Variants in ZNF75D observed in about 807,000 individuals in gnomAD.
ZNF75D encodes zinc finger protein 75D, also known as zinc finger protein 75.
A neutral mutation model predicts 33.3 loss-of-function variants in ZNF75D; 33 were observed. That is an observed-to-expected ratio of 0.99 (90% CI 0.75 to 1.32). The LOEUF (loss-of-function observed/expected upper bound fraction) is 1.32, where lower values mean the gene tolerates loss of function less well. Ranked by LOEUF, ZNF75D falls within the 40% of genes most tolerant of loss-of-function variation. The pLI is 0.00. For synonymous variants in ZNF75D, 113 were observed against 130.6 expected, an observed-to-expected ratio of 0.87 and a Z score of 0.92; for missense variants, 338 against 367.5, an observed-to-expected ratio of 0.92 and a Z score of 0.66.
intron 1 of ZNF75D, among the ~76,000 whole-genome samples, chrX:135,310,684 G>A (rs1378275978): frequency 9.0e-6 from 1 of 111,064 alleles, no homozygotes; most frequent in Non-Finnish European, 1.9e-5. Flanking sequence ...TCCCCTTCCT[G>A]TGTCCCCTCC....
At chrX:135,302,511 ACTTTATT>A (rs2084230660) in intron 1 of ZNF75D, among the ~76,000 whole-genome samples, 1 of 112,767 alleles carries the variant, frequency 8.9e-6, no homozygotes, top group East Asian at 2.8e-4. Context: ...ATTAGAACAT[ACTTTATT>A]CTTTAAGTGT....
chrX:135,324,961 T>C (rs2084543088), intron 1 of ZNF75D, among the ~76,000 whole-genome samples: 1 of 110,619 alleles, frequency 9.0e-6, no homozygotes, highest in African/African-American at 3.3e-5. Context: ...GAGACCAGCT[T>C]AAGACTCAGG....
In ZNF75D at chrX:135,343,828, T is replaced by C. The variant is rs184125465; in HGVS notation, c.-2451A>G. The stretch of plus-strand genomic sequence containing the variant: ...AAGTTCCAGCCGGTGAGCCCAACTT[T>C]GGACCCGGCAGAGCTGTCTCCAGTA... On this transcript the variant is annotated 5_prime_UTR_variant, in exon 1 of 7. Coordinates refer to ENST00000370766, the MANE Select transcript of ZNF75D (RefSeq NM_007131.5). 1 of 111,691 alleles carries C rather than the reference T, an allele frequency of 9.0e-6. No individual in the cohort carries two copies. Among genetic ancestry groups the C allele is most frequent in the Non-Finnish European group, 1.9e-5 (1 of 53,083 alleles). 9.2% of individuals were successfully genotyped at this position (111,691 alleles called of 1,213,427 possible). A position where few individuals can be genotyped will look rare whatever the true frequency, so the allele number is the denominator to read the frequency against.
intron 1 of ZNF75D, among the ~76,000 whole-genome samples, chrX:135,310,877 G>T (rs1420343094): frequency 9.0e-6 from 1 of 111,185 alleles, no homozygotes; most frequent in African/African-American, 3.3e-5. Flanking sequence ...CTCCTCAGAG[G>T]ATGCAACTGA....
chrX:135,267,097 A>G (rs1426474569), intron 1 of ZNF75D, among the ~76,000 whole-genome samples: 1 of 111,661 alleles, frequency 9.0e-6, no homozygotes, highest in African/African-American at 3.2e-5. Flanking sequence ...ACCAAAACAT[A>G]TGGGATATAG....
chrX:135,260,034 T>C (rs1404238456), intron 1 of ZNF75D, among the ~76,000 whole-genome samples: 1 of 112,282 alleles, frequency 8.9e-6, no homozygotes, highest in Non-Finnish European at 1.9e-5. Context: ...AGGCCTTTTC[T>C]GCATCTCTTG....
In ZNF75D at chrX:135,287,558, C is replaced by G. The variant is rs782622244; in HGVS notation, c.1112G>C (p.Gly371Ala). 6 of 1,211,840 alleles carry G rather than the reference C, an allele frequency of 5.0e-6. No homozygotes were observed. The South Asian group carries it at 8.8e-5, about 18-fold the overall frequency. The part of the protein sequence containing the change: ...GEKPFKCQEC[G>A]KSFRVSSDLI... ...ATCAGAGCTAACTCTGAAGCTTTTC[C>G]CACATTCCTGACACTTAAAAGGTTT... The change falls in exon 7 of 7, where the codon GGG becomes GCG. Residue 371 changes from glycine (G) to alanine (A), a missense_variant. By Grantham distance (60) the Gly-to-Ala change is moderately conservative (BLOSUM62 0). Transcript: ENST00000370766.
At position 135,258,445 on chromosome X, in the gene ZNF75D, C is replaced by G. The variant is rs961812560; in HGVS notation, n.828-2668G>C. Among the ~76,000 whole-genome samples the G allele has an allele frequency of 2.7e-5, 3 of 111,344 alleles. 1 individual carries two copies. In the South Asian group the frequency reaches 1.2e-3, roughly 43 times the overall value. Reference sequence around the variant, plus strand: ...AAGTGTTCCTATTTCTCCACATCCTCTACAGCATCTGTTGTTTCCTGACTT... The same window carrying G: ...AAGTGTTCCTATTTCTCCACATCCTGTACAGCATCTGTTGTTTCCTGACTT... On this transcript the variant is annotated intron_variant and non_coding_transcript_variant, in intron 1 of 3. Transcript: ENST00000494295.
intron 1 of ZNF75D, among the ~76,000 whole-genome samples, chrX:135,324,317 T>TA (rs1330779358): frequency 8.9e-6 from 1 of 112,329 alleles, no homozygotes; most frequent in Non-Finnish European, 1.9e-5. Flanking sequence ...TGTTAGTGAC[T>TA]ATGTTCTTAA....
intron 1 of ZNF75D, among the ~76,000 whole-genome samples, chrX:135,257,168 A>G: frequency 8.9e-6 from 1 of 112,784 alleles, no homozygotes; most frequent in Middle Eastern, 4.6e-3. Flanking sequence ...ACTTTGTATT[A>G]GACCCTAAGT....
intron 1 of ZNF75D, among the ~76,000 whole-genome samples, chrX:135,329,878 A>G (rs1454919694): frequency 3.6e-5 from 4 of 112,241 alleles, no homozygotes; most frequent in African/African-American, 1.3e-4. Flanking sequence ...CTATTATACC[A>G]TTATTTCTAG....
At chrX:135,335,379 C>T (rs1171405151) in intron 1 of ZNF75D, among the ~76,000 whole-genome samples, 1 of 111,260 alleles carries the variant, frequency 9.0e-6, no homozygotes, top group South Asian at 3.9e-4. Flanking sequence ...CACTGCTCTC[C>T]TGGCTTGCTC....
At chrX:135,259,639 A>T (rs1283650100) in intron 1 of ZNF75D, among the ~76,000 whole-genome samples, 1 of 111,582 alleles carries the variant, frequency 9.0e-6, no homozygotes, top group Non-Finnish European at 1.9e-5. Flanking sequence ...TTGCACATTG[A>T]TTTTGTATCC....
At chrX:135,313,820 G>A (rs1250733617) in intron 1 of ZNF75D, among the ~76,000 whole-genome samples, 1 of 111,849 alleles carries the variant, frequency 8.9e-6, no homozygotes, top group Admixed American at 9.4e-5. Flanking sequence ...AAACAGTACT[G>A]ATTTTCATAT....
At chrX:135,294,514 T>A (rs2084096209) in intron 2 of ZNF75D, among the ~76,000 whole-genome samples, 1 of 111,336 alleles carries the variant, frequency 9.0e-6, no homozygotes, top group South Asian at 3.8e-4. Context: ...TCCTGTTTTT[T>A]TTTTTAACAG....
intron 1 of ZNF75D, among the ~76,000 whole-genome samples, chrX:135,303,667 G>C (rs1289477024): frequency 8.9e-6 from 1 of 112,368 alleles, no homozygotes; most frequent in African/African-American, 3.2e-5. Context: ...TTTCTACACA[G>C]ACACAGTAAC....
intron 1 of ZNF75D, among the ~76,000 whole-genome samples, chrX:135,280,204 T>C (rs1470783030): frequency 8.9e-6 from 1 of 112,370 alleles, no homozygotes; most frequent in Non-Finnish European, 1.9e-5. Context: ...TAGTTATCTC[T>C]TCTTGTTGCA....
intron 1 of ZNF75D, among the ~76,000 whole-genome samples, chrX:135,334,945 T>C (rs782609226): frequency 3.6e-5 from 4 of 111,087 alleles, no homozygotes; most frequent in Non-Finnish European, 7.6e-5. Flanking sequence ...TCCAGAATCT[T>C]TACCTCTTTA....
At chrX:135,299,339 T>A (rs2148475920) in intron 1 of ZNF75D, among the ~76,000 whole-genome samples, 1 of 112,149 alleles carries the variant, frequency 8.9e-6, no homozygotes, top group South Asian at 3.7e-4. Context: ...AGTGAGTGTA[T>A]CCTGACATCT....
Sources: gnomAD v4.1 joint callset for allele counts (sites outside exome capture counted in the v4.1 genomes callset) on GRCh38, gnomAD v4.1.1 for gene constraint, MANE v1.5 for transcripts, NCBI Gene and HGNC (gene_info 2026-07-23, HGNC 2026-07-21) for gene names.